MAP2K5: variants seen among roughly 807,000 people sequenced by gnomAD.
The protein encoded by MAP2K5 is mitogen-activated protein kinase kinase 5, also known as dual specificity mitogen-activated protein kinase kinase 5.
A neutral mutation model predicts 83.1 loss-of-function variants in MAP2K5; 49 were observed. The observed-to-expected ratio is 0.59, with a 90% CI of 0.47 to 0.75. The LOEUF (loss-of-function observed/expected upper bound fraction) is 0.75, where lower values mean the gene tolerates loss of function less well. Ranked by LOEUF, MAP2K5 falls within the 30% of genes least tolerant of loss-of-function variation. MAP2K5 has a pLI of 0.00. For missense variants in MAP2K5, 457 were observed against 557.5 expected, an observed-to-expected ratio of 0.82 and a Z score of 1.82; for synonymous variants, 202 against 191.8, an observed-to-expected ratio of 1.05 and a Z score of -0.44.
chr15:67,787,454 ACT>A (rs1247594030), intron 21 of MAP2K5, among the ~76,000 whole-genome samples: 1 of 152,202 alleles, frequency 6.6e-6, no homozygotes, highest in Non-Finnish European at 1.5e-5. Flanking sequence ...ACTATGTTTG[ACT>A]TCTCTAAAAG....
rs142424210 is a variant in MAP2K5 at position 67,747,900 on chromosome 15, C to G, written c.1075-331C>G. The stretch of plus-strand genomic sequence containing the variant: ...TTCGTAACATTAGCAATGATTGCAA[C>G]ATTAAGCCCAGTGTTCACAATCTAG... On this transcript the variant is annotated intron_variant, in intron 17 of 21. Coordinates refer to ENST00000178640, the MANE Select transcript of MAP2K5 (RefSeq NM_145160.3). The surrounding 1 kb of genome is among the most constrained non-coding windows in gnomAD (Gnocchi z 4.1). Among the ~76,000 whole-genome samples, 98 of 152,272 alleles carry G rather than the reference C, an allele frequency of 6.4e-4. No individual in the cohort carries two copies. Among genetic ancestry groups the G allele is most frequent in the Non-Finnish European group, 1.2e-3 (79 of 68,024 alleles).
intron 19 of MAP2K5, among the ~76,000 whole-genome samples, chr15:67,767,219 G>T (rs1453703059): frequency 6.6e-6 from 1 of 152,114 alleles, no homozygotes; most frequent in African/African-American, 2.4e-5. Flanking sequence ...TCCTCATTTT[G>T]TTTCTCATCC....
At chr15:67,632,098 T>TG (rs1378443495) in intron 9 of MAP2K5, among the ~76,000 whole-genome samples, 3 of 284 alleles carry the variant, frequency 0.011, no homozygotes, top group African/African-American at 0.014. Flanking sequence ...TTATGCTAGA[T>TG]TTTTTTTTTT....
chr15:67,661,241 T>A (rs1286974630), intron 12 of MAP2K5, among the ~76,000 whole-genome samples: 4 of 152,172 alleles, frequency 2.6e-5, no homozygotes, highest in Admixed American at 2.6e-4. Flanking sequence ...ACTATCCATT[T>A]GAATCTGGTC....
At chr15:67,642,643 A>G in intron 9 of MAP2K5, 1 of 649,768 alleles carries the variant, frequency 1.5e-6, no homozygotes, top group Non-Finnish European at 2.8e-6. Flanking sequence ...GGGAAAGCAC[A>G]GGATATGTGT....
chr15:67,659,681 C>A (rs1226815145), intron 12 of MAP2K5, among the ~76,000 whole-genome samples: 1 of 151,878 alleles, frequency 6.6e-6, no homozygotes, highest in Non-Finnish European at 1.5e-5. Context: ...TTTGGCAGTT[C>A]TTGGCTGTAA....
chr15:67,543,287 C>T lies in MAP2K5; in HGVS notation c.-49C>T, dbSNP rs1309057911. On this transcript the variant is annotated 5_prime_UTR_variant, in exon 1 of 22. Coordinates refer to ENST00000178640, the MANE Select transcript of MAP2K5 (RefSeq NM_145160.3). This position sits in a 1 kb window ranked among gnomAD's most constrained non-coding sequence, Gnocchi z 4.3. ...CCTCTTGGAGCCCCCTCCTAACCAG[C>T]GGCCAGTGGGTTTCCCATACCCCAG... is the stretch of plus-strand genomic sequence containing the variant. 1.2e-6 allele frequency: 2 copies of T among 1,608,998 alleles called. No homozygotes were observed. Among genetic ancestry groups the T allele is most frequent in the African/African-American group, 1.3e-5 (1 of 74,856 alleles).
intron 17 of MAP2K5, among the ~76,000 whole-genome samples, chr15:67,740,763 C>G (rs2089472930): frequency 6.6e-6 from 1 of 152,184 alleles, no homozygotes; most frequent in Non-Finnish European, 1.5e-5. Flanking sequence ...CGTGGTGGCT[C>G]ATGCCTATAA....
chr15:67,791,573 G>T (rs1219775403), intron 21 of MAP2K5, among the ~76,000 whole-genome samples: 1 of 152,176 alleles, frequency 6.6e-6, no homozygotes, highest in Non-Finnish European at 1.5e-5. Context: ...CTCACAACTG[G>T]CTGCTATTAT....
At chr15:67,603,203 G>A (rs973082619) in intron 8 of MAP2K5, among the ~76,000 whole-genome samples, 3 of 152,144 alleles carry the variant, frequency 2.0e-5, no homozygotes, top group African/African-American at 2.4e-5. Context: ...TTGTGTAATC[G>A]AAACTCTGCA....
chr15:67,643,332 G>C (rs2086756085), intron 9 of MAP2K5, among the ~76,000 whole-genome samples: 1 of 152,208 alleles, frequency 6.6e-6, no homozygotes, highest in Non-Finnish European at 1.5e-5. Context: ...AAAAATGTAA[G>C]TGAATATTGT....
intron 8 of MAP2K5, chr15:67,628,526 A>G: frequency 1.3e-6 from 1 of 795,398 alleles, no homozygotes; most frequent in East Asian, 2.4e-5. Flanking sequence ...GAGGAATATC[A>G]CCTAAGAGAT....
rs1022508548 is a variant in MAP2K5 at position 67,543,118 on chromosome 15, C to T, written c.-218C>T. On this transcript the variant is annotated 5_prime_UTR_variant, in exon 1 of 22. Coordinates refer to ENST00000178640, the MANE Select transcript of MAP2K5 (RefSeq NM_145160.3). The surrounding 1 kb of genome is among the most constrained non-coding windows in gnomAD (Gnocchi z 4.3). ...TGCCCGCTTCCCGGTGCACCCTCCC[C>T]GGGAGACACCTCAGACCCCCGACAG... 14 of 580,782 alleles carry T rather than the reference C, an allele frequency of 2.4e-5. No homozygotes were observed. Among genetic ancestry groups the T allele is most frequent in the Admixed American group, 6.0e-5 (2 of 33,068 alleles). 36.0% of individuals were successfully genotyped at this position (580,782 alleles called of 1,614,324 possible). A position where few individuals can be genotyped will look rare whatever the true frequency, so the allele number is the denominator to read the frequency against.
In MAP2K5 at chr15:67,576,938, T is replaced by A. The variant is rs1218192833; in HGVS notation, c.253-3816T>A. On this transcript the variant is annotated intron_variant, in intron 3 of 21. Transcript: ENST00000178640. Reference sequence around the variant, plus strand: ...TAACCCTATATATATATTTTTTTTTTTTTTTTTTGAGACGGAGTCTCGCTC... The same window carrying A: ...TAACCCTATATATATATTTTTTTTTATTTTTTTTGAGACGGAGTCTCGCTC... 1.2e-4 allele frequency among the ~76,000 whole-genome samples: 17 copies of A among 142,992 alleles called. 1 individual carries two copies. Among genetic ancestry groups the A allele is most frequent in the African/African-American group, 3.7e-4 (15 of 40,028 alleles). The allele number at this position is 142,992 out of a possible 152,430, so 93.8% of individuals were successfully genotyped here.
chr15:67,589,712 C>T (rs2085356564), intron 6 of MAP2K5, among the ~76,000 whole-genome samples: 1 of 151,944 alleles, frequency 6.6e-6, no homozygotes, highest in Non-Finnish European at 1.5e-5. Context: ...ATAATTGGAA[C>T]TATCAACTGG....
chr15:67,796,070 T>G (rs550776303), intron 21 of MAP2K5, among the ~76,000 whole-genome samples: 1 of 152,250 alleles, frequency 6.6e-6, no homozygotes, highest in African/African-American at 2.4e-5. Context: ...TATCCTTTAC[T>G]TCTGTGCTCT....
rs1596601314 is a variant in MAP2K5, at chr15:67,586,018, TTC to T, written c.363+91_363+92del. 1.1e-4 allele frequency: 132 copies of T among 1,202,164 alleles called. No individual in the cohort carries two copies. The East Asian group carries it at 3.0e-3, about 27-fold the overall frequency. 74.5% of individuals were successfully genotyped at this position (1,202,164 alleles called of 1,614,324 possible). Reference sequence around the variant, plus strand: ...TTGAAATGTCAAATAAAACTGCACTTTCTCAAGCTCTGACAAGCGATCCTTTT... The same window carrying T: ...TTGAAATGTCAAATAAAACTGCACTTTCAAGCTCTGACAAGCGATCCTTTT... On this transcript the variant is annotated intron_variant, in intron 5 of 21. Transcript: ENST00000178640.
Position 67,749,699 on chromosome 15 carries a change from G to A in MAP2K5, c.1134+1098G>A, listed in dbSNP as rs1162560417. ...CCATAATCCATGTTGATGTAAAAAT[G>A]AAGGCATCGTCCTGAAACAAATGGA... On this transcript the variant is annotated intron_variant, in intron 19 of 21. Transcript: ENST00000178640. This position sits in a 1 kb window ranked among gnomAD's most constrained non-coding sequence, Gnocchi z 4.6. Among the ~76,000 whole-genome samples, 1 of 152,178 alleles carries A rather than the reference G, an allele frequency of 6.6e-6. No individual in the cohort carries two copies. The highest frequency in any genetic ancestry group is 1.5e-5 in the Non-Finnish European group (1 of 68,026).
chr15:67,666,502 C>T (rs1289533329), intron 13 of MAP2K5, among the ~76,000 whole-genome samples: 1 of 152,110 alleles, frequency 6.6e-6, no homozygotes, highest in Admixed American at 6.5e-5. Flanking sequence ...GTCAGATTCT[C>T]ACTATAAACC....
Sources: allele counts gnomAD v4.1 joint callset (sites outside exome capture counted in the v4.1 genomes callset), GRCh38; gene constraint gnomAD v4.1.1; non-coding constraint Gnocchi (gnomAD v3.1); transcripts MANE v1.5; gene names NCBI Gene and HGNC (gene_info 2026-07-23, HGNC 2026-07-21).